The following FLNB variants were observed in gnomAD, a reference collection of about 807,000 sequenced individuals.
FLNB encodes the protein filamin-B.
In FLNB, 111 loss-of-function variants were observed where a neutral mutation model predicts 250.6. That is an observed-to-expected ratio of 0.44 (90% confidence interval 0.38 to 0.52). The LOEUF is 0.52. Among genes scored for constraint, FLNB ranks in the 20% least tolerant of loss-of-function variants. The pLI is 0.00. For missense variants in FLNB, 2,869 were observed against 3,447.8 expected, an observed-to-expected ratio of 0.83 and a Z score of 4.20; for synonymous variants, 1,302 against 1,372.1, an observed-to-expected ratio of 0.95 and a Z score of 1.13.
At chr3:58,096,642 G>A (rs940805478) in intron 6 of FLNB, among the ~76,000 whole-genome samples, 3 of 152,112 alleles carry the variant, frequency 2.0e-5, no homozygotes, top group Non-Finnish European at 2.9e-5. Flanking sequence ...CCAAGTAGGT[G>A]GGATTATAGG....
intron 40 of FLNB, 84 bp downstream of exon 40, chr3:58,155,012 T>C: frequency 7.1e-7 from 1 of 1,414,048 alleles, no homozygotes; most frequent in Non-Finnish European, 1.0e-6. Flanking sequence ...TCAAGTTTGC[T>C]GAAGTCAATG....
At position 58,172,054 on chromosome 3, in the gene FLNB, GGCCACTCTT is replaced by G. The variant is rs1320730069; in HGVS notation, c.*1294_*1302del. The G allele has an allele frequency of 1.3e-5, 2 of 152,566 alleles. No homozygotes were observed. Among genetic ancestry groups the G allele is most frequent in the East Asian group, 3.9e-4 (2 of 5,194 alleles). The allele number at this position is 152,566 out of a possible 1,614,324, so 9.5% of individuals were successfully genotyped here. On this transcript the variant is annotated 3_prime_UTR_variant, in exon 46 of 46. Coordinates refer to ENST00000295956, the MANE Select transcript of FLNB (RefSeq NM_001457.4). ...TTTTGCTGCTTAGTCCTGAGGAAGT[GGCCACTCTT>G]GTGGCAGGTGTAGTATCTGGGGCGA...
At position 58,169,861 on chromosome 3, in the gene FLNB, C is replaced by G. The variant is rs2097378665; in HGVS notation, c.7621+68C>G. On this transcript the variant is annotated intron_variant, in intron 45 of 45. Transcript: ENST00000295956. This position sits in a 1 kb window ranked among gnomAD's most constrained non-coding sequence, Gnocchi z 4.8. Reference sequence around the variant, plus strand: ...AGGCTGGGCACCCTGGGTACACTGGCCTTCCCTGCTGAGGTCTCCTGCAGT... The same window carrying G: ...AGGCTGGGCACCCTGGGTACACTGGGCTTCCCTGCTGAGGTCTCCTGCAGT... The G allele has an allele frequency of 1.5e-6, 2 of 1,362,462 alleles. No individual in the cohort carries two copies. The highest frequency in any genetic ancestry group is 1.0e-6 in the Non-Finnish European group (1 of 969,466). 84.4% of individuals were successfully genotyped at this position (1,362,462 alleles called of 1,614,324 possible). A position where few individuals can be genotyped will look rare whatever the true frequency, so the allele number is the denominator to read the frequency against.
At position 58,123,156 on chromosome 3, in the gene FLNB, G is replaced by A. The variant is rs775587575; in HGVS notation, c.3190G>A (p.Asp1064Asn). The change falls in exon 21 of 46, where the codon GAT becomes AAT. Residue 1064 changes from aspartate (D) to asparagine (N), a missense_variant. Asp to Asn is a conservative substitution (Grantham distance 23). Around this residue, in one of 5 missense-constraint regions of FLNB, gnomAD observed 1,348 missense variants for 1,466.7 expected, o/e 0.92. Coordinates refer to ENST00000295956, the MANE Select transcript of FLNB (RefSeq NM_001457.4). Reference protein sequence around the residue: ...LVGKPAEFTIDTKGAGTGGLG... With the variant: ...LVGKPAEFTINTKGAGTGGLG... Reference sequence around the variant, plus strand: ...GGGCAAGCCTGCCGAGTTCACCATCGATACCAAAGGAGCTGGTACTGGAGG... The same window carrying A: ...GGGCAAGCCTGCCGAGTTCACCATCAATACCAAAGGAGCTGGTACTGGAGG... 51 of 1,614,032 alleles carry A rather than the reference G, an allele frequency of 3.2e-5. No individual in the cohort carries two copies. Among genetic ancestry groups the A allele is most frequent in the South Asian group, 8.8e-5 (8 of 91,082 alleles).
At chr3:58,085,010 A>G (rs905291766) in intron 4 of FLNB, among the ~76,000 whole-genome samples, 1 of 152,190 alleles carries the variant, frequency 6.6e-6, no homozygotes, top group African/African-American at 2.4e-5. Context: ...TTAGAATTTC[A>G]TTCCTTTTTA....
At chr3:58,149,514 C>A (rs966249461) in intron 36 of FLNB, 1 of 387,512 alleles carries the variant, frequency 2.6e-6, no homozygotes, top group African/African-American at 2.1e-5. Flanking sequence ...TGGATAAACC[C>A]CCAAGGTGGT....
chr3:58,113,676 A>T (rs1576741529), intron 18 of FLNB, among the ~76,000 whole-genome samples: 1 of 152,006 alleles, frequency 6.6e-6, no homozygotes, highest in African/African-American at 2.4e-5. Context: ...CCAAATTTTT[A>T]TTTTTATTTA....
chr3:58,046,796 T>A (rs1260451356), intron 1 of FLNB, among the ~76,000 whole-genome samples: 1 of 152,292 alleles, frequency 6.6e-6, no homozygotes, highest in East Asian at 1.9e-4. Flanking sequence ...CACTCTCCCT[T>A]TCCCTTCCCC....
At chr3:58,109,385 GATCC>G in intron 14 of FLNB, 63 bp downstream of exon 14, 1 of 1,587,998 alleles carries the variant, frequency 6.3e-7, no homozygotes. Flanking sequence ...CCAGGTCTGG[GATCC>G]ATGCCTGACA....
intron 1 of FLNB, among the ~76,000 whole-genome samples, chr3:58,072,168 C>T (rs1215370716): frequency 2.0e-5 from 3 of 152,150 alleles, no homozygotes; most frequent in African/African-American, 4.8e-5. Flanking sequence ...TTAAGTAGTT[C>T]GAGAAAATGT....
At chr3:58,036,147 C>T (rs1470041193) in intron 1 of FLNB, among the ~76,000 whole-genome samples, 2 of 152,148 alleles carry the variant, frequency 1.3e-5, no homozygotes, top group African/African-American at 2.4e-5. Flanking sequence ...CTCAGGATAC[C>T]TGTTTCTTTA....
At chr3:58,153,763 C>A in intron 39 of FLNB, 122 bp downstream of exon 39, 1 of 1,148,246 alleles carries the variant, frequency 8.7e-7, no homozygotes, top group Non-Finnish European at 1.3e-6. Context: ...GCATTAAGGG[C>A]ATTATTTAAA....
chr3:58,157,738 G>C (rs1292255185), intron 41 of FLNB, among the ~76,000 whole-genome samples: 1 of 152,192 alleles, frequency 6.6e-6, no homozygotes, highest in Non-Finnish European at 1.5e-5. Context: ...TCCCTCTTGA[G>C]GATTTAGCGG....
Position 58,169,569 on chromosome 3 carries a change from C to G in FLNB, c.7418-21C>G. ...CTTGATCTGGCCATTCATGCCTGTCCCCCTCCCTCCTGTATCTTAGGCCAG... is the reference window on the plus strand; with the variant it reads ...CTTGATCTGGCCATTCATGCCTGTCGCCCTCCCTCCTGTATCTTAGGCCAG... On this transcript the variant is annotated intron_variant, in intron 44 of 45. Transcript: ENST00000295956. This position sits in a 1 kb window ranked among gnomAD's most constrained non-coding sequence, Gnocchi z 4.8. 6.2e-7 allele frequency: 1 copy of G among 1,602,294 alleles called. No individual in the cohort carries two copies. The highest frequency in any genetic ancestry group is 8.6e-7 in the Non-Finnish European group (1 of 1,169,198).
At chr3:58,145,212 G>A (rs377469606) in intron 32 of FLNB, among the ~76,000 whole-genome samples, 1 of 152,158 alleles carries the variant, frequency 6.6e-6, no homozygotes, top group Non-Finnish European at 1.5e-5. Context: ...GTTTCTCTCT[G>A]TATCTACAAA....
chr3:58,069,833 A>G (rs1175951183), intron 1 of FLNB, among the ~76,000 whole-genome samples: 1 of 152,162 alleles, frequency 6.6e-6, no homozygotes, highest in Non-Finnish European at 1.5e-5. Context: ...GACAAATTGA[A>G]CATTTCAACC....
chr3:58,148,520 A>G, intron 35 of FLNB, 129 bp from the exon 36 acceptor site: 3 of 1,210,598 alleles, frequency 2.5e-6, no homozygotes, highest in Non-Finnish European at 3.6e-6. Flanking sequence ...GTATTTGTGC[A>G]TTGTGATATC....
chr3:58,033,035 T>C (rs1419148639), intron 1 of FLNB, among the ~76,000 whole-genome samples: 3 of 152,210 alleles, frequency 2.0e-5, no homozygotes, highest in Admixed American at 2.0e-4. Context: ...ATTGCATGAC[T>C]GCACTCCAGC....
intron 1 of FLNB, among the ~76,000 whole-genome samples, chr3:58,030,024 A>T (rs1403905137): frequency 6.6e-6 from 1 of 152,216 alleles, no homozygotes; most frequent in Non-Finnish European, 1.5e-5. Flanking sequence ...GCTAATGGGT[A>T]ATCTTACACT....
Sources: allele counts gnomAD v4.1 joint callset (sites outside exome capture counted in the v4.1 genomes callset), GRCh38; gene constraint gnomAD v4.1.1; regional missense constraint gnomAD v4.1.1; non-coding constraint Gnocchi (gnomAD v3.1); transcripts MANE v1.5; gene names NCBI Gene and HGNC (gene_info 2026-07-23, HGNC 2026-07-21).